The following SLC12A6 variants were observed in gnomAD, a reference collection of about 807,000 sequenced individuals.
SLC12A6 encodes K-Cl cotransporter 3.
In SLC12A6, 66 loss-of-function variants were observed where a neutral mutation model predicts 135.3. That is an observed-to-expected ratio of 0.49 (90% CI 0.40 to 0.60). The LOEUF (loss-of-function observed/expected upper bound fraction) is 0.60. Ranked by LOEUF, SLC12A6 falls within the 20% of genes least tolerant of loss-of-function variation. SLC12A6 has a pLI of 0.00. For synonymous variants in SLC12A6, 513 were observed against 508.8 expected, an observed-to-expected ratio of 1.01 and a Z score of -0.11; for missense variants, 1,058 against 1,452.3, an observed-to-expected ratio of 0.73 and a Z score of 4.41.
At chr15:34,310,489 TG>T (rs1888117392) in intron 2 of SLC12A6, among the ~76,000 whole-genome samples, 1 of 122,668 alleles carries the variant, frequency 8.2e-6, no homozygotes, top group African/African-American at 3.4e-5. Flanking sequence ...TGTGTGTGTG[TG>T]TGTGTATGTA....
At chr15:34,253,485 A>G (rs1487429947) in intron 9 of SLC12A6, among the ~76,000 whole-genome samples, 1 of 152,208 alleles carries the variant, frequency 6.6e-6, no homozygotes, top group African/African-American at 2.4e-5. Context: ...GATGGAATCT[A>G]CTTCTGCCAT....
chr15:34,255,075 G>A (rs1892655220), intron 8 of SLC12A6, among the ~76,000 whole-genome samples, 187 bp downstream of exon 8: 1 of 152,216 alleles, frequency 6.6e-6, no homozygotes, highest in Admixed American at 6.5e-5. Flanking sequence ...AGGTAGAAAG[G>A]AAGGGACAGG....
Position 34,243,973 on chromosome 15 carries a change from C to T in SLC12A6, c.2042+1G>A. On this transcript the variant is annotated splice_donor_variant, in intron 16 of 25. Transcript: ENST00000354181. LOFTEE classifies it high-confidence loss of function. ...AAAAAGAATAAAAGAAGCAGACTTACCAATGGTAGTAGCGGAATCGGGGTC... is the reference window on the plus strand; with the variant it reads ...AAAAAGAATAAAAGAAGCAGACTTATCAATGGTAGTAGCGGAATCGGGGTC... The T allele has an allele frequency of 6.5e-7, 1 of 1,531,536 alleles. No individual in the cohort carries two copies. Among genetic ancestry groups the T allele is most frequent in the East Asian group, 2.2e-5 (1 of 44,484 alleles). 94.9% of individuals were successfully genotyped at this position (1,531,536 alleles called of 1,614,324 possible). A position where few individuals can be genotyped will look rare whatever the true frequency, so the allele number is the denominator to read the frequency against.
intron 10 of SLC12A6, among the ~76,000 whole-genome samples, chr15:34,251,713 C>G (rs1306764864): frequency 6.6e-6 from 1 of 152,118 alleles, no homozygotes; most frequent in Non-Finnish European, 1.5e-5. Flanking sequence ...GTTTCTAACA[C>G]CTTAATGTAA....
At chr15:34,253,040 A>T (rs759351319) in intron 9 of SLC12A6, among the ~76,000 whole-genome samples, 1 of 152,224 alleles carries the variant, frequency 6.6e-6, no homozygotes, top group Non-Finnish European at 1.5e-5. Context: ...TAAGGATAAC[A>T]TAAATATTAA....
chr15:34,252,724 C>T (rs1892479183), intron 9 of SLC12A6, among the ~76,000 whole-genome samples: 1 of 152,162 alleles, frequency 6.6e-6, no homozygotes, highest in Non-Finnish European at 1.5e-5. Flanking sequence ...TGAAGGAAGT[C>T]AAATTGAAGA....
In SLC12A6 at chr15:34,236,068, C is replaced by A. The variant is rs1333110524; in HGVS notation, c.3174G>T (p.Arg1058=). Residue 1058 remains arginine, a synonymous_variant, in exon 24 of 26, where the codon CGG becomes CGT. Transcript: ENST00000354181. ...TWTKDKYMAS[R]GQKAKSMEGF... Reference sequence around the variant, plus strand: ...CTTCCATTGACTTCGCTTTTTGTCCCCGGGATGCCATGTACTTGTCTTTTG... The same window carrying A: ...CTTCCATTGACTTCGCTTTTTGTCCACGGGATGCCATGTACTTGTCTTTTG... 4.3e-6 allele frequency: 7 copies of A among 1,614,116 alleles called. No homozygotes were observed. In the Middle Eastern group the frequency reaches 4.9e-4, roughly 114 times the overall value.
chr15:34,331,021 G>A (rs1396947372), intron 2 of SLC12A6, among the ~76,000 whole-genome samples: 9 of 149,458 alleles, frequency 6.0e-5, no homozygotes, highest in African/African-American at 2.3e-4. Context: ...CAGCCTGGGC[G>A]ACAGAGTGAG....
intron 2 of SLC12A6, among the ~76,000 whole-genome samples, chr15:34,310,629 AGTGTGTGTGTGTGTGTGT>A (rs61718499): frequency 1.7e-4 from 1 of 6,054 alleles, no homozygotes; most frequent in South Asian, 6.7e-3. Context: ...CCTGGGCTCA[AGTGTGTGTGTGTGTGTGT>A]GTGTGTGTGT....
At chr15:34,303,884 T>C (rs1896424380) in intron 2 of SLC12A6, among the ~76,000 whole-genome samples, 1 of 152,182 alleles carries the variant, frequency 6.6e-6, no homozygotes, top group Non-Finnish European at 1.5e-5. Flanking sequence ...CATTATAAAT[T>C]ACCCAGTCTG....
At chr15:34,237,286 TG>T in intron 22 of SLC12A6, 132 bp downstream of exon 22, 7 of 588,662 alleles carry the variant, frequency 1.2e-5, no homozygotes, top group Non-Finnish European at 2.0e-5. Context: ...GGTTTTTTTT[TG>T]TTTTTTTTTT....
Position 34,254,443 on chromosome 15 carries a change from G to C in SLC12A6, c.1023C>G (p.Asn341Lys). 1 of 1,613,800 alleles carries C rather than the reference G, an allele frequency of 6.2e-7. No individual in the cohort carries two copies. The highest frequency in any genetic ancestry group is 8.5e-7 in the Non-Finnish European group (1 of 1,179,708). ...LVVFIGVRYV[N>K]KFASLFLACV... ...AGGCCAGGAAAAGTGAGGCAAACTT[G>C]TTCACATAGCGTACGCCGATAAATA... Residue 341 changes from asparagine (N) to lysine (K), a missense_variant, in exon 9 of 26, where the codon AAC (asparagine) becomes AAG (lysine). Physicochemically the swap from Asn to Lys is moderately conservative, Grantham distance 94 (BLOSUM62 0). Coordinates refer to ENST00000354181, the MANE Select transcript of SLC12A6 (RefSeq NM_001365088.1).
intron 3 of SLC12A6, among the ~76,000 whole-genome samples, chr15:34,262,428 A>G (rs1170088299): frequency 1.3e-5 from 2 of 150,818 alleles, no homozygotes; most frequent in Non-Finnish European, 2.9e-5. Flanking sequence ...ACCCTTTGAT[A>G]TCAGCACAAC....
chr15:34,291,461 T>C (rs193199671), intron 2 of SLC12A6, among the ~76,000 whole-genome samples: 250 of 152,314 alleles, frequency 1.6e-3, no homozygotes, highest in Admixed American at 3.1e-3. Flanking sequence ...TTAAGTGTCT[T>C]AGGGTTGCTC....
In SLC12A6 at chr15:34,302,935, C is replaced by T. The variant is rs150720549; in HGVS notation, c.272-27546G>A. Among the ~76,000 whole-genome samples, 158 of 126,198 alleles carry T rather than the reference C, an allele frequency of 1.3e-3. 1 individual carries two copies. Among genetic ancestry groups the T allele is most frequent in the African/African-American group, 4.5e-3 (145 of 32,292 alleles). 82.8% of individuals were successfully genotyped at this position (126,198 alleles called of 152,430 possible). Reference sequence around the variant, plus strand: ...ACTGCACTTCAGCCTGGGTGACAGACGGGAGAAGGGAGACCCTGTCTCAAA... The same window carrying T: ...ACTGCACTTCAGCCTGGGTGACAGATGGGAGAAGGGAGACCCTGTCTCAAA... On this transcript the variant is annotated intron_variant, in intron 2 of 25. Coordinates refer to ENST00000354181, the MANE Select transcript of SLC12A6 (RefSeq NM_001365088.1).
intron 20 of SLC12A6, 32 bp from the exon 21 acceptor site, chr15:34,238,433 T>G (rs879096706): frequency 1.8e-5 from 27 of 1,538,266 alleles, no homozygotes; most frequent in East Asian, 2.2e-5. Context: ...CAGAGAAGAA[T>G]CCTTAGGCTT....
chr15:34,306,680 G>A (rs1354641622), intron 2 of SLC12A6, among the ~76,000 whole-genome samples: 2 of 152,164 alleles, frequency 1.3e-5, no homozygotes, highest in Non-Finnish European at 2.9e-5. Context: ...AGTCAGTCCT[G>A]TTTACAGACT....
intron 3 of SLC12A6, among the ~76,000 whole-genome samples, chr15:34,262,210 A>AT (rs1445590448): frequency 6.6e-6 from 1 of 152,074 alleles, no homozygotes; most frequent in Non-Finnish European, 1.5e-5. Context: ...TATTTTACAT[A>AT]TATCTACCCT....
intron 2 of SLC12A6, among the ~76,000 whole-genome samples, chr15:34,331,273 G>T (rs1000021097): frequency 6.6e-6 from 1 of 152,168 alleles, no homozygotes; most frequent in African/African-American, 2.4e-5. Flanking sequence ...CTGAGTAGCT[G>T]AGATTATAAG....
Sources: allele counts gnomAD v4.1 joint callset (sites outside exome capture counted in the v4.1 genomes callset), GRCh38; gene constraint gnomAD v4.1.1; transcripts MANE v1.5; gene names NCBI Gene and HGNC (gene_info 2026-07-23, HGNC 2026-07-21).